The following IGSF21 variants were observed in gnomAD, a reference collection of about 807,000 sequenced individuals.
IGSF21 encodes the protein immunoglobulin superfamily member 21.
Under a neutral mutation model 46.8 loss-of-function variants are expected in IGSF21, and 28 were observed. The ratio of observed to expected loss-of-function variants is 0.60; its 90% CI spans 0.44 to 0.82. The LOEUF (loss-of-function observed/expected upper bound fraction) is 0.82. Among genes scored for constraint, IGSF21 ranks in the 40% least tolerant of loss-of-function variants. The probability of loss-of-function intolerance (pLI) is 0.00; values close to 1 mark genes in which losing one functional copy is unlikely to be tolerated. For synonymous variants in IGSF21, 284 were observed against 273.6 expected, an observed-to-expected ratio of 1.04 and a Z score of -0.38; for missense variants, 624 against 665.5, an observed-to-expected ratio of 0.94 and a Z score of 0.69.
intron 2 of IGSF21, among the ~76,000 whole-genome samples, chr1:18,250,605 G>C (rs2084832190): frequency 6.6e-6 from 1 of 152,146 alleles, no homozygotes; most frequent in African/African-American, 2.4e-5. Flanking sequence ...AAACTAGAAA[G>C]AGGATCGCCA....
intron 2 of IGSF21, among the ~76,000 whole-genome samples, chr1:18,279,884 G>A (rs985570250): frequency 3.9e-5 from 6 of 152,350 alleles, no homozygotes; most frequent in South Asian, 2.1e-4. Context: ...GTCTGCCGGC[G>A]GCCGATCATG....
chr1:18,153,261 G>A (rs962862459), intron 1 of IGSF21, among the ~76,000 whole-genome samples: 1 of 152,248 alleles, frequency 6.6e-6, no homozygotes, highest in African/African-American at 2.4e-5. Context: ...CCATGGAACA[G>A]TTATAGATGG....
intron 1 of IGSF21, among the ~76,000 whole-genome samples, chr1:18,141,167 G>A (rs1336023539): frequency 2.0e-5 from 3 of 152,214 alleles, no homozygotes; most frequent in African/African-American, 4.8e-5. Context: ...GATGGGAATT[G>A]GCTTTGAGAA....
intron 1 of IGSF21, among the ~76,000 whole-genome samples, chr1:18,212,067 G>T (rs1425759807): frequency 6.6e-6 from 1 of 152,252 alleles, no homozygotes; most frequent in Non-Finnish European, 1.5e-5. Context: ...GGGTGGAGGG[G>T]CGCAGAGAAG....
chr1:18,203,172 C>T (rs987858460), intron 1 of IGSF21, among the ~76,000 whole-genome samples: 3 of 152,184 alleles, frequency 2.0e-5, no homozygotes, highest in African/African-American at 7.2e-5. Context: ...ATGGTCCTTC[C>T]TGCTGAGCCC....
intron 2 of IGSF21, among the ~76,000 whole-genome samples, chr1:18,289,290 C>T (rs1174805922): frequency 1.3e-5 from 2 of 152,136 alleles, no homozygotes; most frequent in Admixed American, 6.6e-5. Flanking sequence ...GGATGCCTTC[C>T]GCTTTATGAC....
intron 3 of IGSF21, among the ~76,000 whole-genome samples, chr1:18,325,033 T>C (rs182508311): frequency 1.5e-4 from 23 of 152,314 alleles, no homozygotes; most frequent in Admixed American, 3.3e-4. Context: ...GGGTCCCACT[T>C]TCTGGGCTGA....
intron 3 of IGSF21, among the ~76,000 whole-genome samples, chr1:18,329,064 A>G (rs930003953): frequency 2.6e-5 from 4 of 152,214 alleles, no homozygotes; most frequent in Non-Finnish European, 5.9e-5. Context: ...GCCTCAGAAT[A>G]GAGACACGCT....
At chr1:18,286,021 G>A (rs554156940) in intron 2 of IGSF21, among the ~76,000 whole-genome samples, 2 of 152,258 alleles carry the variant, frequency 1.3e-5, no homozygotes, top group Admixed American at 1.3e-4. Flanking sequence ...TTGCAGATGA[G>A]GAAACAGGCA....
At chr1:18,203,626 T>TAATG (rs1054652278) in intron 1 of IGSF21, among the ~76,000 whole-genome samples, 3 of 152,106 alleles carry the variant, frequency 2.0e-5, no homozygotes, top group African/African-American at 7.2e-5. Flanking sequence ...AACTAATTGT[T>TAATG]AATGAATGAA....
chr1:18,229,008 TA>T (rs1368450072), intron 2 of IGSF21, among the ~76,000 whole-genome samples: 1 of 152,222 alleles, frequency 6.6e-6, no homozygotes, highest in Admixed American at 6.5e-5. Context: ...TTCTTCTTTT[TA>T]TTTTTTTTCA....
At position 18,334,171 on chromosome 1, in the gene IGSF21, C is replaced by T. The variant is rs1008251003; in HGVS notation, c.306-721C>T. Among the ~76,000 whole-genome samples the T allele has an allele frequency of 6.6e-6, 1 of 152,174 alleles. No homozygotes were observed. The highest frequency in any genetic ancestry group is 6.5e-5 in the Admixed American group (1 of 15,288). On this transcript the variant is annotated intron_variant, in intron 3 of 9. Coordinates refer to ENST00000251296, the MANE Select transcript of IGSF21 (RefSeq NM_032880.5). The surrounding 1 kb of genome is among the most constrained non-coding windows in gnomAD (Gnocchi z 4.3). ...GGGATCACCTCTTCTGAGACACCCT[C>T]CCAACTACCTCAGAGGTGGAAGTGG... is the stretch of plus-strand genomic sequence containing the variant.
intron 1 of IGSF21, chr1:18,113,290 A>G (rs1377744406): frequency 6.6e-6 from 1 of 152,162 alleles, no homozygotes; most frequent in African/African-American, 2.4e-5. Context: ...ACCCACCTTT[A>G]TGCTACAGTG....
intron 3 of IGSF21, among the ~76,000 whole-genome samples, chr1:18,318,124 C>T (rs2085561609): frequency 6.6e-6 from 1 of 152,176 alleles, no homozygotes. Flanking sequence ...GATGGCTCTT[C>T]CCAAACCAGG....
chr1:18,219,377 A>G (rs1314546290), intron 1 of IGSF21, among the ~76,000 whole-genome samples: 1 of 152,204 alleles, frequency 6.6e-6, no homozygotes, highest in Non-Finnish European at 1.5e-5. Flanking sequence ...AGGGGCCAGC[A>G]GCGTTCATTG....
At chr1:18,316,902 A>G (rs1198122366) in intron 3 of IGSF21, among the ~76,000 whole-genome samples, 1 of 152,240 alleles carries the variant, frequency 6.6e-6, no homozygotes, top group African/African-American at 2.4e-5. Context: ...AACATTGAAC[A>G]CCAATCCATG....
chr1:18,376,341 G>T lies in IGSF21; in HGVS notation c.1047G>T (p.Thr349=), dbSNP rs780949632. The change falls in exon 7 of 10, where the codon ACG becomes ACT. Residue 349 remains threonine (T), a synonymous_variant. Transcript: ENST00000251296. The stretch of plus-strand genomic sequence containing the variant: ...CCAAAGGACCCAAAATTGTGATGAC[G>T]CCCAGCAGAGCCCGGGTAGGGGACA... ...VAPKGPKIVM[T]PSRARVGDTV... 2.5e-6 allele frequency: 4 copies of T among 1,613,698 alleles called. No homozygotes were observed. The highest frequency in any genetic ancestry group is 3.4e-6 in the Non-Finnish European group (4 of 1,179,902).
At chr1:18,239,682 T>G (rs1056141775) in intron 2 of IGSF21, among the ~76,000 whole-genome samples, 6 of 152,144 alleles carry the variant, frequency 3.9e-5, no homozygotes, top group African/African-American at 1.2e-4. Flanking sequence ...GTGCTGTCTC[T>G]GCGTGCAATG....
chr1:18,263,213 G>C (rs1461312978), intron 2 of IGSF21, among the ~76,000 whole-genome samples: 2 of 152,182 alleles, frequency 1.3e-5, no homozygotes, highest in Non-Finnish European at 2.9e-5. Context: ...GTTTATAATA[G>C]CACTGGGGAT....
Sources: allele counts gnomAD v4.1 joint callset (sites outside exome capture counted in the v4.1 genomes callset), GRCh38; gene constraint gnomAD v4.1.1; non-coding constraint Gnocchi (gnomAD v3.1); transcripts MANE v1.5; gene names NCBI Gene and HGNC (gene_info 2026-07-23, HGNC 2026-07-21).